The following IL1RAPL1 variants were observed in gnomAD, a reference collection of about 807,000 sequenced individuals.
The protein encoded by IL1RAPL1 is interleukin 1 receptor accessory protein like 1.
Under a neutral mutation model 48.4 loss-of-function variants are expected in IL1RAPL1, and 3 were observed. The observed-to-expected ratio is 0.06, with a 90% CI of 0.03 to 0.16. The LOEUF (loss-of-function observed/expected upper bound fraction) is 0.16. Among genes scored for constraint, IL1RAPL1 ranks in the 10% least tolerant of loss-of-function variants. IL1RAPL1 has a pLI of 1.00. For missense variants in IL1RAPL1, 349 were observed against 530.6 expected (o/e 0.66, Z 3.36); for synonymous variants, 185 against 187.7 (o/e 0.99, Z 0.12).
chrX:29,252,229 A>T (rs889847300), intron 2 of IL1RAPL1, among the ~76,000 whole-genome samples: 2 of 112,167 alleles, frequency 1.8e-5, no homozygotes, highest in Non-Finnish European at 3.8e-5. Flanking sequence ...ACTAACCTGC[A>T]CATTGTGCAC....
At chrX:29,062,446 G>T (rs1237603078) in intron 2 of IL1RAPL1, among the ~76,000 whole-genome samples, 1 of 112,367 alleles carries the variant, frequency 8.9e-6, no homozygotes, top group Admixed American at 9.4e-5. Context: ...TTTCACACCA[G>T]GTAAATGGCT....
chrX:28,885,206 A>G (rs1478308405), intron 2 of IL1RAPL1, among the ~76,000 whole-genome samples: 2 of 111,634 alleles, frequency 1.8e-5, no homozygotes, highest in Non-Finnish European at 3.8e-5. Flanking sequence ...AATAATCATT[A>G]TAATTATTAT....
rs774154497 is a variant in IL1RAPL1 at position 29,094,596 on chromosome X, T to TAAA, written c.83-188324_83-188322dup. 5.3e-3 allele frequency among the ~76,000 whole-genome samples: 361 copies of TAAA among 68,101 alleles called. 5 individuals carry two copies. Among genetic ancestry groups the TAAA allele is most frequent in the African/African-American group, 0.019 (341 of 17,556 alleles). The allele number at this position is 68,101 out of a possible 115,157, so 59.1% of individuals were successfully genotyped here. A position where few individuals can be genotyped will look rare whatever the true frequency, so the allele number is the denominator to read the frequency against. ...AACATGATGAAACTCTATCTCTACT[T>TAAA]AAAAAAAAAAAAAAAAAAAATCAGC... On this transcript the variant is annotated intron_variant, in intron 2 of 10. Transcript: ENST00000378993.
intron 1 of IL1RAPL1, among the ~76,000 whole-genome samples, chrX:28,607,706 C>T (rs1440614919): frequency 9.1e-6 from 1 of 110,196 alleles, no homozygotes; most frequent in Admixed American, 9.8e-5. Context: ...TGTTACTCCT[C>T]TGCTGCTTGT....
chrX:29,604,463 T>C (rs6526903), intron 5 of IL1RAPL1, among the ~76,000 whole-genome samples: 2 of 109,726 alleles, frequency 1.8e-5, no homozygotes, highest in Non-Finnish European at 3.8e-5. Flanking sequence ...TTTTGAGAGG[T>C]AGTCTCACTC....
chrX:29,913,570 G>A (rs1169237869), intron 6 of IL1RAPL1, among the ~76,000 whole-genome samples: 2 of 110,618 alleles, frequency 1.8e-5, no homozygotes, highest in Non-Finnish European at 3.8e-5. Flanking sequence ...TGTAATTACT[G>A]CTACCACCTA....
intron 2 of IL1RAPL1, among the ~76,000 whole-genome samples, chrX:29,148,983 T>C (rs1165736800): frequency 9.0e-6 from 1 of 111,169 alleles, no homozygotes; most frequent in Non-Finnish European, 1.9e-5. Context: ...CCCTGCTTGA[T>C]AATCATTTGT....
At chrX:29,403,543 G>A (rs1934020407) in intron 5 of IL1RAPL1, among the ~76,000 whole-genome samples, 1 of 111,426 alleles carries the variant, frequency 9.0e-6, no homozygotes, top group South Asian at 3.8e-4. Context: ...TTGCTACTGG[G>A]ATATAGTTGT....
intron 2 of IL1RAPL1, among the ~76,000 whole-genome samples, chrX:28,922,046 G>A (rs963998597): frequency 3.6e-5 from 4 of 111,356 alleles, no homozygotes; most frequent in African/African-American, 9.8e-5. Flanking sequence ...CAAGGAGTTG[G>A]GCTGGGTGCG....
At chrX:28,950,777 T>C (rs1006466511) in intron 2 of IL1RAPL1, among the ~76,000 whole-genome samples, 3 of 106,509 alleles carry the variant, frequency 2.8e-5, no homozygotes, top group Non-Finnish European at 3.9e-5. Flanking sequence ...ACTGGGTATA[T>C]ACCCAAAGGA....
chrX:29,808,625 G>C (rs1178065406), intron 6 of IL1RAPL1, among the ~76,000 whole-genome samples: 2 of 111,548 alleles, frequency 1.8e-5, no homozygotes, highest in South Asian at 3.7e-4. Flanking sequence ...CAGTTTGTAA[G>C]AAGAGTGTTG....
chrX:29,217,193 A>G (rs955822586), intron 2 of IL1RAPL1, among the ~76,000 whole-genome samples: 11 of 112,331 alleles, frequency 9.8e-5, no homozygotes, highest in African/African-American at 1.9e-4. Context: ...CCTGTGATAC[A>G]TGATTGAATT....
chrX:29,164,704 A>G (rs950528914), intron 2 of IL1RAPL1, among the ~76,000 whole-genome samples: 5 of 111,918 alleles, frequency 4.5e-5, no homozygotes, highest in African/African-American at 1.6e-4. Flanking sequence ...ACATCAAATC[A>G]GTTCACCATT....
At chrX:28,767,432 A>T (rs1056718703) in intron 1 of IL1RAPL1, among the ~76,000 whole-genome samples, 4 of 110,923 alleles carry the variant, frequency 3.6e-5, no homozygotes, top group Non-Finnish European at 7.6e-5. Context: ...TGATATGGAA[A>T]ATACATAAAT....
intron 2 of IL1RAPL1, among the ~76,000 whole-genome samples, chrX:28,952,791 G>A (rs1450623905): frequency 9.0e-6 from 1 of 111,198 alleles, no homozygotes; most frequent in African/African-American, 3.3e-5. Flanking sequence ...TTTTTAAAAG[G>A]TTAAACAAAG....
intron 6 of IL1RAPL1, 143 bp from the exon 7 acceptor site, chrX:29,917,321 A>T (rs999513023): frequency 3.3e-5 from 18 of 552,271 alleles, no homozygotes; most frequent in Non-Finnish European, 4.9e-5. Context: ...TTTGACAAAG[A>T]TTGAAAATCC....
intron 6 of IL1RAPL1, among the ~76,000 whole-genome samples, chrX:29,897,409 T>C (rs189934033): frequency 8.9e-6 from 1 of 112,280 alleles, no homozygotes; most frequent in African/African-American, 3.2e-5. Flanking sequence ...GTTGTACAAG[T>C]GGAAGTTACA....
intron 2 of IL1RAPL1, among the ~76,000 whole-genome samples, chrX:29,068,186 T>C (rs1281621865): frequency 8.9e-6 from 1 of 112,646 alleles, no homozygotes; most frequent in East Asian, 2.8e-4. Flanking sequence ...CTCCAATCAG[T>C]TACATAGCTT....
chrX:29,364,901 A>G (rs1400903929), intron 3 of IL1RAPL1, among the ~76,000 whole-genome samples: 1 of 111,837 alleles, frequency 8.9e-6, no homozygotes, highest in Non-Finnish European at 1.9e-5. Context: ...TTATATATGT[A>G]TACATATTTA....
Sources: gnomAD v4.1 joint callset for allele counts (sites outside exome capture counted in the v4.1 genomes callset) on GRCh38, gnomAD v4.1.1 for gene constraint, MANE v1.5 for transcripts, NCBI Gene and HGNC (gene_info 2026-07-23, HGNC 2026-07-21) for gene names.